Variants in CAMTA1 observed in about 807,000 individuals in gnomAD.
CAMTA1 encodes calmodulin-binding transcription activator 1.
In CAMTA1, 27 loss-of-function variants were observed where a neutral mutation model predicts 170.9. The ratio of observed to expected loss-of-function variants is 0.16; its 90% CI spans 0.12 to 0.22. CAMTA1 has a LOEUF of 0.22. Ranked by LOEUF, CAMTA1 falls within the 10% of genes least tolerant of loss-of-function variation. The pLI, the probability that CAMTA1 is intolerant of heterozygous loss-of-function variation, is 1.00. For synonymous variants in CAMTA1, 833 were observed against 891.5 expected (o/e 0.93, Z 1.17); for missense variants, 1,619 against 2,217.2 (o/e 0.73, Z 5.42).
At position 7,104,138 on chromosome 1, in the gene CAMTA1, C is replaced by T. The variant is rs369593545; in HGVS notation, c.302+12767C>T. Among the ~76,000 whole-genome samples the T allele has an allele frequency of 9.7e-3, 837 of 85,990 alleles. 11 individuals carry two copies. Among genetic ancestry groups the T allele is most frequent in the African/African-American group, 0.039 (798 of 20,298 alleles). The allele number at this position is 85,990 out of a possible 152,430, so 56.4% of individuals were successfully genotyped here. On this transcript the variant is annotated intron_variant, in intron 4 of 22. Transcript: ENST00000303635. ...TACACACAACACACATAACTACACA[C>T]GTACACACAACACACATATGCATAC... is the stretch of plus-strand genomic sequence containing the variant.
Position 7,370,740 on chromosome 1 carries a change from A to G in CAMTA1, c.439-97090A>G, listed in dbSNP as rs185493081. On this transcript the variant is annotated intron_variant, in intron 5 of 22. Coordinates refer to ENST00000303635, the MANE Select transcript of CAMTA1 (RefSeq NM_015215.4). ...ATATTTAAAATCACATGCCACATAA[A>G]TGGATATATCAATTGAGAAATAAGG... Among the ~76,000 whole-genome samples, 557 of 152,254 alleles carry G rather than the reference A, an allele frequency of 3.7e-3. 4 individuals are homozygous for G. Among genetic ancestry groups the G allele is most frequent in the African/African-American group, 0.013 (532 of 41,552 alleles).
intron 6 of CAMTA1, among the ~76,000 whole-genome samples, chr1:7,512,350 T>C (rs994887414): frequency 6.6e-6 from 1 of 151,784 alleles, no homozygotes; most frequent in South Asian, 2.1e-4. Flanking sequence ...AAGGGGGAGA[T>C]TGGGGTGGTC....
intron 4 of CAMTA1, among the ~76,000 whole-genome samples, chr1:7,215,733 A>T (rs2149096220): frequency 6.6e-6 from 1 of 152,250 alleles, no homozygotes; most frequent in African/African-American, 2.4e-5. Flanking sequence ...ACATTTTTGG[A>T]ATTTCTATTG....
intron 3 of CAMTA1, among the ~76,000 whole-genome samples, chr1:6,994,522 A>T (rs528557842): frequency 2.0e-5 from 3 of 152,192 alleles, no homozygotes; most frequent in East Asian, 3.9e-4. Flanking sequence ...TGTTTTTGAT[A>T]AGGTGTTCTT....
At position 7,251,298 on chromosome 1, in the gene CAMTA1, C is replaced by G. The variant is rs1035159666; in HGVS notation, c.438+1672C>G. On this transcript the variant is annotated intron_variant, in intron 5 of 22. Coordinates refer to ENST00000303635, the MANE Select transcript of CAMTA1 (RefSeq NM_015215.4). This position sits in a 1 kb window ranked among gnomAD's most constrained non-coding sequence, Gnocchi z 5.1. ...CTCATGTTATAAATTAGAGTTGTCA[C>G]TGGATGGAATCAGAATGATTTATGG... Among the ~76,000 whole-genome samples the G allele has an allele frequency of 6.6e-6, 1 of 152,146 alleles. No individual in the cohort carries two copies. The highest frequency in any genetic ancestry group is 1.5e-5 in the Non-Finnish European group (1 of 68,032).
intron 3 of CAMTA1, among the ~76,000 whole-genome samples, chr1:6,860,542 C>T (rs563451666): frequency 6.6e-6 from 1 of 152,140 alleles, no homozygotes; most frequent in African/African-American, 2.4e-5. Flanking sequence ...TTTTTTCTTT[C>T]CTTATACACT....
chr1:7,730,580 A>T (rs1489043080), intron 11 of CAMTA1, among the ~76,000 whole-genome samples: 1 of 152,160 alleles, frequency 6.6e-6, no homozygotes, highest in Non-Finnish European at 1.5e-5. Flanking sequence ...GCTATTGAAT[A>T]TCTGGCACAG....
intron 19 of CAMTA1, 137 bp downstream of exon 19, chr1:7,747,918 T>TA: frequency 1.1e-5 from 6 of 549,206 alleles, no homozygotes; most frequent in Non-Finnish European, 1.9e-5. Context: ...TTTTTTTTTT[T>TA]TATTTTTTTT....
chr1:7,207,484 G>T (rs534947657), intron 4 of CAMTA1, among the ~76,000 whole-genome samples: 1 of 152,306 alleles, frequency 6.6e-6, no homozygotes, highest in South Asian at 2.1e-4. Context: ...TGATAAAAAT[G>T]TATATACCAC....
chr1:7,088,516 G>A (rs889548099), intron 3 of CAMTA1, among the ~76,000 whole-genome samples: 1 of 152,228 alleles, frequency 6.6e-6, no homozygotes, highest in Non-Finnish European at 1.5e-5. Flanking sequence ...TAGATGCTCA[G>A]TAAGTGTTTG....
At chr1:6,963,742 G>A (rs113998507) in intron 3 of CAMTA1, among the ~76,000 whole-genome samples, 1,602 of 152,298 alleles carry the variant, frequency 0.011, 29 homozygotes, top group African/African-American at 0.036. Context: ...GGGCCTGGGG[G>A]CTGGGCGCGG....
In CAMTA1 at chr1:7,063,832, G is replaced by A. The variant is rs1035166649; in HGVS notation, c.235-27472G>A. On this transcript the variant is annotated intron_variant, in intron 3 of 22. Transcript: ENST00000303635. This position sits in a 1 kb window ranked among gnomAD's most constrained non-coding sequence, Gnocchi z 4.3. ...AAGTTGGGGACATTTTCTGCCTCCT[G>A]AAGTTCATATTTTGTTGGGGGAGAG... 6.6e-6 allele frequency among the ~76,000 whole-genome samples: 1 copy of A among 152,222 alleles called. No homozygotes were observed. Among genetic ancestry groups the A allele is most frequent in the African/African-American group, 2.4e-5 (1 of 41,466 alleles).
At chr1:7,615,655 C>A (rs559701717) in intron 6 of CAMTA1, among the ~76,000 whole-genome samples, 1 of 152,192 alleles carries the variant, frequency 6.6e-6, no homozygotes. Context: ...GGGTAGAAGT[C>A]CAGGTGAGGG....
At chr1:7,623,443 T>C (rs1270179929) in intron 6 of CAMTA1, among the ~76,000 whole-genome samples, 1 of 152,182 alleles carries the variant, frequency 6.6e-6, no homozygotes, top group Non-Finnish European at 1.5e-5. Flanking sequence ...TCAGGTTAAC[T>C]GAAGGGAAAG....
At chr1:6,955,674 G>A (rs1219515373) in intron 3 of CAMTA1, among the ~76,000 whole-genome samples, 2 of 152,148 alleles carry the variant, frequency 1.3e-5, no homozygotes, top group Admixed American at 6.5e-5. Flanking sequence ...TGCTGTGCCC[G>A]GTCCCTAGCT....
At position 6,807,574 on chromosome 1, in the gene CAMTA1, G is replaced by A. The variant is rs536761792; in HGVS notation, c.46-12607G>A. 7.9e-5 allele frequency among the ~76,000 whole-genome samples: 12 copies of A among 152,184 alleles called. No homozygotes were observed. In the East Asian group the frequency reaches 2.3e-3, roughly 30 times the overall value. Reference sequence around the variant, plus strand: ...TCTCTACTAAAAATACAAAAAATTAGCTGAGCGTGGTGGCACGTGCCTGTA... The same window carrying A: ...TCTCTACTAAAAATACAAAAAATTAACTGAGCGTGGTGGCACGTGCCTGTA... On this transcript the variant is annotated intron_variant, in intron 1 of 22. Transcript: ENST00000303635.
At chr1:6,856,115 G>A (rs1438196455) in intron 3 of CAMTA1, among the ~76,000 whole-genome samples, 1 of 152,150 alleles carries the variant, frequency 6.6e-6, no homozygotes, top group Non-Finnish European at 1.5e-5. Context: ...ATGGCCTGCT[G>A]TTGTGTGCTG....
chr1:7,500,715 G>T (rs1048519003), intron 6 of CAMTA1, among the ~76,000 whole-genome samples: 4 of 152,136 alleles, frequency 2.6e-5, no homozygotes, highest in Non-Finnish European at 4.4e-5. Flanking sequence ...GCGTGGGCTG[G>T]CTCCGTCCAG....
At chr1:7,062,353 A>T (rs1708342472) in intron 3 of CAMTA1, among the ~76,000 whole-genome samples, 2 of 152,256 alleles carry the variant, frequency 1.3e-5, no homozygotes, top group Non-Finnish European at 2.9e-5. Context: ...AACATAGATT[A>T]CAGTCAGCTA....
Sources: gnomAD v4.1 joint callset for allele counts (sites outside exome capture counted in the v4.1 genomes callset) on GRCh38, gnomAD v4.1.1 for gene constraint, Gnocchi (gnomAD v3.1) non-coding constraint, MANE v1.5 for transcripts, NCBI Gene and HGNC (gene_info 2026-07-23, HGNC 2026-07-21) for gene names.